LYN: variants seen among roughly 807,000 people sequenced by gnomAD.
LYN encodes the protein tyrosine-protein kinase Lyn.
In LYN, 12 loss-of-function variants were observed where a neutral mutation model predicts 65.0. That is an observed-to-expected ratio of 0.18 (90% CI 0.12 to 0.30). The LOEUF is 0.30. LYN is among the 10% of genes least tolerant of loss of function. The probability of loss-of-function intolerance (pLI) is 1.00; values close to 1 mark genes in which losing one functional copy is unlikely to be tolerated. For synonymous variants in LYN, 222 were observed against 221.2 expected (o/e 1.00, Z -0.03); for missense variants, 380 against 623.2 (o/e 0.61, Z 4.16).
At chr8:55,985,213 T>C (rs1808043331) in intron 10 of LYN, among the ~76,000 whole-genome samples, 1 of 152,190 alleles carries the variant, frequency 6.6e-6, no homozygotes, top group African/African-American at 2.4e-5. Flanking sequence ...ACCCAGTAAT[T>C]GTTTGCTGAA....
intron 1 of LYN, among the ~76,000 whole-genome samples, chr8:55,918,391 C>T (rs1368936204): frequency 1.3e-5 from 2 of 152,214 alleles, no homozygotes; most frequent in Non-Finnish European, 2.9e-5. Flanking sequence ...CTCCCAGAGA[C>T]TCTGATTGAA....
At chr8:55,916,309 A>G (rs1395394365) in intron 1 of LYN, among the ~76,000 whole-genome samples, 1 of 152,204 alleles carries the variant, frequency 6.6e-6, no homozygotes, top group Non-Finnish European at 1.5e-5. Flanking sequence ...ACATCAGTAA[A>G]CTGCAACTGA....
chr8:55,985,614 G>T (rs530107289), intron 10 of LYN, among the ~76,000 whole-genome samples: 10 of 152,150 alleles, frequency 6.6e-5, no homozygotes, highest in Admixed American at 2.6e-4. Flanking sequence ...AAGGTATTTT[G>T]TCTTAGTTGA....
intron 12 of LYN, among the ~76,000 whole-genome samples, chr8:56,001,071 G>A (rs1026321171): frequency 1.3e-5 from 2 of 152,078 alleles, no homozygotes; most frequent in Non-Finnish European, 2.9e-5. Flanking sequence ...GTGGGGAGCT[G>A]CTGGTTTTAT....
intron 1 of LYN, among the ~76,000 whole-genome samples, chr8:55,888,290 G>A (rs962041915): frequency 6.6e-6 from 1 of 152,142 alleles, no homozygotes; most frequent in South Asian, 2.1e-4. Context: ...ACTATGCAGG[G>A]GTCATTCCAC....
chr8:55,898,527 G>A (rs1307445888), intron 1 of LYN, among the ~76,000 whole-genome samples: 1 of 152,174 alleles, frequency 6.6e-6, no homozygotes, highest in African/African-American at 2.4e-5. Context: ...GGACTCAAGT[G>A]ATTCACCTGC....
chr8:55,900,352 A>G (rs1382519902), intron 1 of LYN, among the ~76,000 whole-genome samples: 1 of 151,980 alleles, frequency 6.6e-6, no homozygotes, highest in African/African-American at 2.4e-5. Flanking sequence ...TTGTTGGGGG[A>G]AAAATAATCT....
chr8:55,997,878 A>G (rs534645356), intron 10 of LYN, among the ~76,000 whole-genome samples: 1 of 152,068 alleles, frequency 6.6e-6, no homozygotes, highest in Non-Finnish European at 1.5e-5. Context: ...AGGTCAGGAG[A>G]TCGAGACCAT....
intron 1 of LYN, among the ~76,000 whole-genome samples, chr8:55,922,531 T>C (rs1234750182): frequency 6.6e-6 from 1 of 152,068 alleles, no homozygotes; most frequent in African/African-American, 2.4e-5. Context: ...TCCCAGCACT[T>C]TGGGAGGCCG....
intron 12 of LYN, among the ~76,000 whole-genome samples, chr8:56,004,930 G>A (rs779763138): frequency 1.6e-4 from 24 of 152,036 alleles, no homozygotes; most frequent in Non-Finnish European, 2.2e-4. Flanking sequence ...GACTACAGGC[G>A]CATGCCACCA....
Position 55,946,541 on chromosome 8 carries a change from G to A in LYN, c.178+48G>A, listed in dbSNP as rs189570381. On this transcript the variant is annotated intron_variant, in intron 3 of 12. Transcript: ENST00000519728. ...TTAAAATTTTTTTTCTTTACTATTA[G>A]AGCTTCTATAAAGTGATTGTCCTAA... 477 of 1,161,556 alleles carry A rather than the reference G, an allele frequency of 4.1e-4. 4 individuals carry two copies. In the Middle Eastern group the frequency reaches 5.0e-3, roughly 12 times the overall value. The allele number at this position is 1,161,556 out of a possible 1,614,324, so 72.0% of individuals were successfully genotyped here.
intron 10 of LYN, among the ~76,000 whole-genome samples, chr8:55,992,421 G>T (rs1563326815): frequency 6.6e-6 from 1 of 152,118 alleles, no homozygotes; most frequent in Non-Finnish European, 1.5e-5. Flanking sequence ...ACAGTTGATG[G>T]GCTAGGAATT....
chr8:55,884,915 C>T (rs1252515101), intron 1 of LYN, among the ~76,000 whole-genome samples: 2 of 152,152 alleles, frequency 1.3e-5, no homozygotes, highest in Non-Finnish European at 2.9e-5. Context: ...TGGCAGCATT[C>T]CTTATTTGCC....
intron 10 of LYN, among the ~76,000 whole-genome samples, chr8:55,993,607 AT>A (rs1313357992): frequency 2.0e-5 from 3 of 152,218 alleles, no homozygotes; most frequent in Non-Finnish European, 2.9e-5. Context: ...CCTCATTTGC[AT>A]CTGTACAATG....
intron 1 of LYN, among the ~76,000 whole-genome samples, chr8:55,915,302 A>T (rs529671059): frequency 7.2e-5 from 11 of 152,284 alleles, no homozygotes; most frequent in African/African-American, 2.4e-4. Context: ...TCTGCTATCC[A>T]GGTTTATTTA....
chr8:55,977,042 G>A (rs1057415927), intron 10 of LYN, among the ~76,000 whole-genome samples: 7 of 151,972 alleles, frequency 4.6e-5, no homozygotes, highest in Admixed American at 2.6e-4. Context: ...AAAGTTAGCC[G>A]GGCATGGTGG....
At chr8:55,923,573 T>A (rs1806004712) in intron 1 of LYN, among the ~76,000 whole-genome samples, 1 of 152,168 alleles carries the variant, frequency 6.6e-6, no homozygotes, top group Non-Finnish European at 1.5e-5. Flanking sequence ...AGGGTCTTGC[T>A]CTGTCCCCAC....
At position 56,011,573 on chromosome 8, in the gene LYN, C is replaced by A. The variant is rs563304113; in HGVS notation, c.*1463C>A. The A allele has an allele frequency of 5.3e-6, 1 of 189,666 alleles. No individual in the cohort carries two copies. Among genetic ancestry groups the A allele is most frequent in the Admixed American group, 6.2e-5 (1 of 16,206 alleles). The allele number at this position is 189,666 out of a possible 1,614,324, so 11.7% of individuals were successfully genotyped here. On this transcript the variant is annotated 3_prime_UTR_variant, in exon 13 of 13. Transcript: ENST00000519728. The stretch of plus-strand genomic sequence containing the variant: ...TTGATTGCCTGAACACCTGAACATC[C>A]GTTTATGGGGGCCAGATAGAATTTG...
intron 1 of LYN, among the ~76,000 whole-genome samples, chr8:55,914,499 C>T (rs556942943): frequency 7.2e-5 from 11 of 152,130 alleles, no homozygotes; most frequent in Non-Finnish European, 1.6e-4. Flanking sequence ...TGCAGTGAAT[C>T]AAGCCAGGTC....
Sources: allele counts gnomAD v4.1 joint callset (sites outside exome capture counted in the v4.1 genomes callset), GRCh38; gene constraint gnomAD v4.1.1; transcripts MANE v1.5; gene names NCBI Gene and HGNC (gene_info 2026-07-23, HGNC 2026-07-21).